PRKG2: variants seen among roughly 807,000 people sequenced by gnomAD.
PRKG2 encodes the protein protein kinase cGMP-dependent 2, also known as cGMP-dependent protein kinase 2.
PRKG2 carries 33 observed loss-of-function variants against 97.2 expected under a neutral mutation model. That is an observed-to-expected ratio of 0.34 (90% CI 0.26 to 0.45). The LOEUF (loss-of-function observed/expected upper bound fraction) is 0.45, where lower values mean the gene tolerates loss of function less well. PRKG2 is among the 20% of genes least tolerant of loss of function. The pLI is 1.00. For synonymous variants in PRKG2, 330 were observed against 321.8 expected (o/e 1.03, Z -0.27); for missense variants, 638 against 900.0 (o/e 0.71, Z 3.73).
chr4:81,113,317 C>T (rs540138645), intron 14 of PRKG2, among the ~76,000 whole-genome samples: 1 of 151,598 alleles, frequency 6.6e-6, no homozygotes, highest in African/African-American at 2.4e-5. Flanking sequence ...ACACCCTCCC[C>T]TTTTTTTTCA....
intron 2 of PRKG2, among the ~76,000 whole-genome samples, chr4:81,195,040 C>T (rs1246656304): frequency 6.6e-6 from 1 of 152,100 alleles, no homozygotes; most frequent in Non-Finnish European, 1.5e-5. Context: ...CAGGTGATTA[C>T]AATGTAAACT....
intron 8 of PRKG2, among the ~76,000 whole-genome samples, chr4:81,151,534 C>T (rs987253216): frequency 3.3e-5 from 5 of 151,844 alleles, no homozygotes; most frequent in African/African-American, 1.2e-4. Context: ...GATAAAAATT[C>T]TTAAGAAAAA....
rs771084090 is a variant in PRKG2, at chr4:81,089,249, C to T, written c.*459G>A. The T allele has an allele frequency of 1.3e-5, 2 of 152,364 alleles. No homozygotes were observed. Among genetic ancestry groups the T allele is most frequent in the Non-Finnish European group, 2.9e-5 (2 of 68,216 alleles). 9.4% of individuals were successfully genotyped at this position (152,364 alleles called of 1,614,324 possible). ...TCTGCAAACCACCATTTTAAGATAC[C>T]ACCATGCTTATATGAAGTTGCTGAG... On this transcript the variant is annotated 3_prime_UTR_variant, in exon 19 of 19. Coordinates refer to ENST00000264399, the MANE Select transcript of PRKG2 (RefSeq NM_006259.3).
chr4:81,166,152 G>T (rs1006622804), intron 6 of PRKG2, among the ~76,000 whole-genome samples: 1 of 152,100 alleles, frequency 6.6e-6, no homozygotes, highest in Non-Finnish European at 1.5e-5. Context: ...TAAACTGCTG[G>T]ATGGGTTGCA....
At chr4:81,140,333 G>A (rs1016818477) in intron 12 of PRKG2, among the ~76,000 whole-genome samples, 200 bp downstream of exon 12, 1 of 152,130 alleles carries the variant, frequency 6.6e-6, no homozygotes, top group Non-Finnish European at 1.5e-5. Flanking sequence ...AAGGATAAAT[G>A]CTCAAGGGGA....
chr4:81,189,066 T>TAAAAAAA, intron 2 of PRKG2, among the ~76,000 whole-genome samples: 51 of 17,062 alleles, frequency 3.0e-3, no homozygotes, highest in African/African-American at 5.6e-3. Flanking sequence ...AAAAAAATAA[T>TAAAAAAA]AAAAAAAAAA....
chr4:81,183,800 T>A (rs985689185), intron 2 of PRKG2, among the ~76,000 whole-genome samples: 5 of 152,084 alleles, frequency 3.3e-5, no homozygotes, highest in Admixed American at 2.6e-4. Context: ...CACTCGAGCT[T>A]AGTGGGGGAA....
At chr4:81,157,043 T>C (rs1352696644) in intron 6 of PRKG2, among the ~76,000 whole-genome samples, 2 of 152,020 alleles carry the variant, frequency 1.3e-5, no homozygotes, top group Admixed American at 6.6e-5. Flanking sequence ...AGCAAACACA[T>C]TCAAAGGCTA....
chr4:81,149,970 C>T (rs2110054382), intron 8 of PRKG2, among the ~76,000 whole-genome samples: 1 of 152,304 alleles, frequency 6.6e-6, no homozygotes, highest in African/African-American at 2.4e-5. Flanking sequence ...ACATAACTCA[C>T]TGTCCCTCCC....
intron 8 of PRKG2, 39 bp from the exon 9 acceptor site, chr4:81,148,991 T>C: frequency 6.3e-7 from 1 of 1,584,046 alleles, no homozygotes; most frequent in Non-Finnish European, 8.7e-7. Context: ...TCACTATAAT[T>C]AGAAATTAAA....
intron 2 of PRKG2, among the ~76,000 whole-genome samples, chr4:81,176,769 A>C (rs986688911): frequency 2.6e-5 from 4 of 152,024 alleles, no homozygotes; most frequent in East Asian, 3.9e-4. Context: ...TGTCCTCTTT[A>C]TTTCTTTCTT....
chr4:81,163,014 C>A (rs962745469), intron 6 of PRKG2, among the ~76,000 whole-genome samples: 4 of 152,042 alleles, frequency 2.6e-5, no homozygotes, highest in Non-Finnish European at 5.9e-5. Context: ...CGAATAACTT[C>A]AAAGGGGGAA....
chr4:81,213,963 T>C (rs983384771), intron 1 of PRKG2, among the ~76,000 whole-genome samples: 3 of 152,172 alleles, frequency 2.0e-5, no homozygotes, highest in Non-Finnish European at 4.4e-5. Flanking sequence ...GAGAATTCTC[T>C]ACCATATTAG....
intron 10 of PRKG2, among the ~76,000 whole-genome samples, chr4:81,143,497 T>C (rs756473106): frequency 2.0e-5 from 3 of 152,204 alleles, no homozygotes; most frequent in Non-Finnish European, 4.4e-5. Context: ...TCTTACTTTA[T>C]GTCTAAGTAA....
chr4:81,145,846 A>C (rs1197516219), intron 9 of PRKG2, among the ~76,000 whole-genome samples: 1 of 152,194 alleles, frequency 6.6e-6, no homozygotes, highest in Non-Finnish European at 1.5e-5. Context: ...AGTTTACCTC[A>C]AAATACCTAA....
At position 81,110,558 on chromosome 4, in the gene PRKG2, G is replaced by A. The variant is rs775217234; in HGVS notation, c.1830C>T (p.Phe610=). Reference sequence around the variant, plus strand: ...GAGCTACATATTCTGGAGTCCCACAGAATGTCCATGTTTTCTGTCCAGACC... The same window carrying A: ...GAGCTACATATTCTGGAGTCCCACAAAATGTCCATGTTTTCTGTCCAGACC... ...KIGSGQKTWT[F]CGTPEYVAPE... Residue 610 remains phenylalanine, a synonymous_variant, in exon 15 of 19, where the codon TTC becomes TTT. Coordinates refer to ENST00000264399, the MANE Select transcript of PRKG2 (RefSeq NM_006259.3). 9 of 1,613,390 alleles carry A rather than the reference G, an allele frequency of 5.6e-6. No individual in the cohort carries two copies. Among genetic ancestry groups the A allele is most frequent in the Non-Finnish European group, 7.6e-6 (9 of 1,179,924 alleles).
At chr4:81,122,289 T>C (rs1745135706) in intron 14 of PRKG2, among the ~76,000 whole-genome samples, 1 of 152,204 alleles carries the variant, frequency 6.6e-6, no homozygotes. Flanking sequence ...CTTCATCAGC[T>C]CTTCTTGGCC....
At chr4:81,211,406 G>A (rs1753965002) in intron 1 of PRKG2, among the ~76,000 whole-genome samples, 1 of 152,150 alleles carries the variant, frequency 6.6e-6, no homozygotes, top group Non-Finnish European at 1.5e-5. Context: ...CAAGAAAGCT[G>A]ATAGCACAGT....
At position 81,089,444 on chromosome 4, in the gene PRKG2, G is replaced by A. The variant is rs2109932946; in HGVS notation, c.*264C>T. The A allele has an allele frequency of 6.2e-6, 2 of 324,868 alleles. 1 individual carries two copies. Among genetic ancestry groups the A allele is most frequent in the Non-Finnish European group, 1.1e-5 (2 of 180,268 alleles). 20.1% of individuals were successfully genotyped at this position (324,868 alleles called of 1,614,324 possible). ...CTGCCACTTTAACAAAAATGGCTCT[G>A]ATTGTGGAAAGGAAAATGGGGTAGC... On this transcript the variant is annotated 3_prime_UTR_variant, in exon 19 of 19. Transcript: ENST00000264399.
Sources: allele counts gnomAD v4.1 joint callset (sites outside exome capture counted in the v4.1 genomes callset), GRCh38; gene constraint gnomAD v4.1.1; transcripts MANE v1.5; gene names NCBI Gene and HGNC (gene_info 2026-07-23, HGNC 2026-07-21).